The following SNAP25 variants were observed in gnomAD, a reference collection of about 807,000 sequenced individuals.
The protein encoded by SNAP25 is synaptosomal-associated protein 25.
SNAP25 carries 3 observed loss-of-function variants against 28.7 expected under a neutral mutation model. The ratio of observed to expected loss-of-function variants is 0.10; its 90% confidence interval spans 0.05 to 0.27. The LOEUF (loss-of-function observed/expected upper bound fraction) is 0.27. Among genes scored for constraint, SNAP25 ranks in the 10% least tolerant of loss-of-function variants. The pLI is 1.00. For synonymous variants in SNAP25, 61 were observed against 88.1 expected (o/e 0.69, Z 1.72); for missense variants, 117 against 278.7 (o/e 0.42, Z 4.13).
At chr20:10,291,009 A>G (rs1010266420) in intron 4 of SNAP25, among the ~76,000 whole-genome samples, 1 of 152,218 alleles carries the variant, frequency 6.6e-6, no homozygotes, top group African/African-American at 2.4e-5. Flanking sequence ...ATCCTTAGAA[A>G]AGAAAAAAAT....
At chr20:10,235,950 A>G (rs2062911468) in intron 1 of SNAP25, among the ~76,000 whole-genome samples, 1 of 152,248 alleles carries the variant, frequency 6.6e-6, no homozygotes, top group Non-Finnish European at 1.5e-5. Flanking sequence ...CTCATTAACC[A>G]AAGTAAGTCA....
At chr20:10,228,204 T>C (rs2062766146) in intron 1 of SNAP25, among the ~76,000 whole-genome samples, 1 of 152,162 alleles carries the variant, frequency 6.6e-6, no homozygotes, top group South Asian at 2.1e-4. Flanking sequence ...ATACTACCAC[T>C]TAATGACCAC....
chr20:10,271,399 G>A (rs2063589378), intron 1 of SNAP25, among the ~76,000 whole-genome samples: 1 of 152,182 alleles, frequency 6.6e-6, no homozygotes. Flanking sequence ...TAGGAGAGGG[G>A]GAATTGCTTT....
chr20:10,258,722 C>T (rs1403597673), intron 1 of SNAP25, among the ~76,000 whole-genome samples: 1 of 152,168 alleles, frequency 6.6e-6, no homozygotes, highest in African/African-American at 2.4e-5. Context: ...TTAAGCAATT[C>T]GATATTTGGG....
intron 7 of SNAP25, among the ~76,000 whole-genome samples, chr20:10,302,782 CTT>C (rs111485537): frequency 2.8e-5 from 4 of 143,158 alleles, no homozygotes; most frequent in African/African-American, 5.2e-5. Flanking sequence ...AGATTCCAGA[CTT>C]TTTTTTTTTT....
intron 1 of SNAP25, among the ~76,000 whole-genome samples, chr20:10,257,882 CAAAA>C (rs57183397): frequency 4.7e-5 from 4 of 84,218 alleles, no homozygotes; most frequent in Admixed American, 1.3e-4. Flanking sequence ...GACTCTGTCT[CAAAA>C]AAAAAAAAAA....
At chr20:10,240,433 A>G (rs2063006035) in intron 1 of SNAP25, among the ~76,000 whole-genome samples, 2 of 152,202 alleles carry the variant, frequency 1.3e-5, no homozygotes, top group African/African-American at 4.8e-5. Context: ...ATCATAGCTA[A>G]TCACAGAATG....
At chr20:10,240,919 G>A (rs1205195618) in intron 1 of SNAP25, among the ~76,000 whole-genome samples, 1 of 152,182 alleles carries the variant, frequency 6.6e-6, no homozygotes, top group South Asian at 2.1e-4. Context: ...GGCTTCAATT[G>A]CTCCGTGGAG....
At chr20:10,257,630 G>A (rs917289535) in intron 1 of SNAP25, among the ~76,000 whole-genome samples, 1 of 151,226 alleles carries the variant, frequency 6.6e-6, no homozygotes, top group Admixed American at 6.6e-5. Flanking sequence ...AGAATCGCTT[G>A]AACCCAGGAG....
At chr20:10,278,858 A>G (rs1225548648) in intron 3 of SNAP25, among the ~76,000 whole-genome samples, 3 of 140,100 alleles carry the variant, frequency 2.1e-5, no homozygotes, top group Non-Finnish European at 4.5e-5. Flanking sequence ...CTAAATGTGA[A>G]TTGCCACTGG....
intron 1 of SNAP25, among the ~76,000 whole-genome samples, chr20:10,252,216 G>A (rs2063242438): frequency 6.6e-6 from 1 of 152,216 alleles, no homozygotes; most frequent in Admixed American, 6.5e-5. Flanking sequence ...ATATGTCAGA[G>A]ATTTACTTAC....
intron 4 of SNAP25, among the ~76,000 whole-genome samples, chr20:10,291,471 A>G (rs1043742777): frequency 2.6e-5 from 4 of 152,190 alleles, no homozygotes; most frequent in Non-Finnish European, 4.4e-5. Flanking sequence ...CAGGTATTCA[A>G]TGCTGGATAA....
chr20:10,275,423 T>C lies in SNAP25; in HGVS notation c.-63-6T>C. The C allele has an allele frequency of 7.1e-7, 1 of 1,408,264 alleles. No homozygotes were observed. Among genetic ancestry groups the C allele is most frequent in the Non-Finnish European group, 9.7e-7 (1 of 1,028,146 alleles). 87.2% of individuals were successfully genotyped at this position (1,408,264 alleles called of 1,614,324 possible). A position where few individuals can be genotyped will look rare whatever the true frequency, so the allele number is the denominator to read the frequency against. ...CTCTCATATTTTCATATCTACTTCTTCCCAGGTCCAGAGCCAAACCCGTCA... is the reference window on the plus strand; with the variant it reads ...CTCTCATATTTTCATATCTACTTCTCCCCAGGTCCAGAGCCAAACCCGTCA... On this transcript the variant is annotated splice_region_variant and splice_polypyrimidine_tract_variant and intron_variant, in intron 1 of 7. Transcript: ENST00000254976.
At chr20:10,239,856 C>G (rs990587990) in intron 1 of SNAP25, among the ~76,000 whole-genome samples, 3 of 152,166 alleles carry the variant, frequency 2.0e-5, no homozygotes, top group Non-Finnish European at 2.9e-5. Flanking sequence ...AGGGTAGAAG[C>G]CCCCTGACTT....
intron 4 of SNAP25, 90 bp downstream of exon 4, chr20:10,284,862 A>T (rs1044724812): frequency 5.0e-6 from 5 of 1,006,638 alleles, no homozygotes; most frequent in Non-Finnish European, 7.9e-6. Flanking sequence ...GGTCGCTTTG[A>T]CATGTGTTAC....
At chr20:10,261,200 A>G (rs2063409086) in intron 1 of SNAP25, among the ~76,000 whole-genome samples, 1 of 152,206 alleles carries the variant, frequency 6.6e-6, no homozygotes, top group Admixed American at 6.6e-5. Context: ...ATGGGATTTC[A>G]AAGCCCTTGA....
intron 1 of SNAP25, among the ~76,000 whole-genome samples, chr20:10,224,284 T>TTTTTTTTTTTC (rs2062693796): frequency 1.5e-5 from 2 of 131,226 alleles, no homozygotes; most frequent in African/African-American, 2.9e-5. Context: ...TTTTTTTTTT[T>TTTTTTTTTTTC]TTTTTTTTGC....
At chr20:10,296,868 G>A (rs1051534930) in intron 5 of SNAP25, 57 bp from the exon 6 acceptor site, 33 of 1,609,012 alleles carry the variant, frequency 2.1e-5, no homozygotes, top group Non-Finnish European at 2.5e-5. Context: ...AGTGACAATT[G>A]TTGAGAGCTT....
intron 1 of SNAP25, among the ~76,000 whole-genome samples, chr20:10,240,964 A>G (rs1356571023): frequency 3.3e-5 from 5 of 152,126 alleles, no homozygotes; most frequent in Non-Finnish European, 5.9e-5. Context: ...GGTCCCTGAC[A>G]TGAGCTGGAG....
Sources: allele counts gnomAD v4.1 joint callset (sites outside exome capture counted in the v4.1 genomes callset), GRCh38; gene constraint gnomAD v4.1.1; transcripts MANE v1.5; gene names NCBI Gene and HGNC (gene_info 2026-07-23, HGNC 2026-07-21).